The following GPC5 variants were observed in gnomAD, a reference collection of about 807,000 sequenced individuals.
The protein encoded by GPC5 is glypican-5.
In GPC5, 47 loss-of-function variants were observed where a neutral mutation model predicts 53.9. The observed-to-expected ratio is 0.87, with a 90% confidence interval of 0.69 to 1.11. The LOEUF (loss-of-function observed/expected upper bound fraction) is 1.11. Among genes scored for constraint, GPC5 ranks in the 50% most tolerant of loss-of-function variants. The probability of loss-of-function intolerance (pLI) is 0.00; values close to 1 mark genes in which losing one functional copy is unlikely to be tolerated. For synonymous variants in GPC5, 286 were observed against 263.3 expected, an observed-to-expected ratio of 1.09 and a Z score of -0.84; for missense variants, 748 against 713.1, an observed-to-expected ratio of 1.05 and a Z score of -0.56.
chr13:92,778,064 G>T (rs1875883395), intron 7 of GPC5, among the ~76,000 whole-genome samples: 2 of 152,274 alleles, frequency 1.3e-5, no homozygotes, highest in African/African-American at 4.8e-5. Flanking sequence ...ATTTTCATGG[G>T]AATGAGCAAT....
intron 7 of GPC5, among the ~76,000 whole-genome samples, chr13:92,307,789 T>A (rs1594088390): frequency 6.6e-6 from 1 of 152,238 alleles, no homozygotes; most frequent in South Asian, 2.1e-4. Context: ...ACAGAAAATC[T>A]AAAATAATAT....
chr13:91,843,677 G>A (rs1314960611), intron 5 of GPC5, among the ~76,000 whole-genome samples: 2 of 152,152 alleles, frequency 1.3e-5, no homozygotes, highest in East Asian at 1.9e-4. Flanking sequence ...GAAAACAACT[G>A]TAGTGGCTGT....
chr13:91,607,434 T>G (rs1256694930), intron 2 of GPC5, among the ~76,000 whole-genome samples: 1 of 152,178 alleles, frequency 6.6e-6, no homozygotes, highest in Non-Finnish European at 1.5e-5. Context: ...TAATGTGCTT[T>G]TCCTATCAAA....
At chr13:92,667,592 T>C (rs1434145286) in intron 7 of GPC5, among the ~76,000 whole-genome samples, 1 of 152,128 alleles carries the variant, frequency 6.6e-6, no homozygotes, top group Non-Finnish European at 1.5e-5. Flanking sequence ...CATATTGTCA[T>C]CTATGAGAGA....
intron 7 of GPC5, among the ~76,000 whole-genome samples, chr13:92,611,816 G>A (rs1884446653): frequency 6.6e-6 from 1 of 152,070 alleles, no homozygotes; most frequent in African/African-American, 2.4e-5. Context: ...GAAAGACATG[G>A]TTTTGGTGAA....
chr13:92,338,665 C>T (rs938367909), intron 7 of GPC5, among the ~76,000 whole-genome samples: 1 of 151,938 alleles, frequency 6.6e-6, no homozygotes, highest in African/African-American at 2.4e-5. Flanking sequence ...GTGATTCCCA[C>T]AATATGAGAT....
intron 7 of GPC5, among the ~76,000 whole-genome samples, chr13:92,223,771 T>A (rs576016805): frequency 1.3e-5 from 2 of 152,168 alleles, no homozygotes; most frequent in African/African-American, 2.4e-5. Context: ...TTGCAGTTCA[T>A]AAAAGATCAA....
chr13:91,854,176 G>C (rs72647301), intron 5 of GPC5, among the ~76,000 whole-genome samples: 2 of 151,918 alleles, frequency 1.3e-5, no homozygotes, highest in Non-Finnish European at 2.9e-5. Flanking sequence ...AGTATGAATA[G>C]TTCTGTAATC....
chr13:91,724,351 G>A (rs1036024928), intron 3 of GPC5, among the ~76,000 whole-genome samples: 1 of 152,032 alleles, frequency 6.6e-6, no homozygotes, highest in Non-Finnish European at 1.5e-5. Flanking sequence ...CTGAAGCAAA[G>A]CAATCAGTTA....
intron 4 of GPC5, 45 bp downstream of exon 4, chr13:91,728,710 C>T (rs1343528762): frequency 4.0e-5 from 63 of 1,570,604 alleles, no homozygotes; most frequent in Non-Finnish European, 5.1e-5. Context: ...GAAAGTAAGC[C>T]ATTAATTTTA....
chr13:91,476,608 C>G (rs1045409505), intron 2 of GPC5, among the ~76,000 whole-genome samples: 2 of 152,010 alleles, frequency 1.3e-5, no homozygotes, highest in Non-Finnish European at 2.9e-5. Flanking sequence ...GCAGAAAAGG[C>G]AGTAACAATT....
At chr13:92,665,706 C>T (rs1231675685) in intron 7 of GPC5, among the ~76,000 whole-genome samples, 2 of 152,062 alleles carry the variant, frequency 1.3e-5, no homozygotes, top group Admixed American at 6.6e-5. Flanking sequence ...CATTTATGTC[C>T]CTAATTTAAG....
chr13:91,838,236 C>T (rs1248085721), intron 5 of GPC5, among the ~76,000 whole-genome samples: 1 of 151,892 alleles, frequency 6.6e-6, no homozygotes, highest in Non-Finnish European at 1.5e-5. Context: ...TCCCAGTGTC[C>T]CCTGCCATCC....
intron 2 of GPC5, among the ~76,000 whole-genome samples, chr13:91,591,870 G>T (rs2032812751): frequency 6.6e-6 from 1 of 152,086 alleles, no homozygotes; most frequent in African/African-American, 2.4e-5. Context: ...CCTTTGATTG[G>T]GTTTCAACTT....
At chr13:92,692,167 G>A (rs1015546639) in intron 7 of GPC5, among the ~76,000 whole-genome samples, 1 of 151,972 alleles carries the variant, frequency 6.6e-6, no homozygotes, top group Non-Finnish European at 1.5e-5. Flanking sequence ...TTAGGATAAT[G>A]GTCTCCAGCT....
At chr13:91,644,732 C>A (rs1035659542) in intron 2 of GPC5, among the ~76,000 whole-genome samples, 1 of 152,094 alleles carries the variant, frequency 6.6e-6, no homozygotes, top group Admixed American at 6.6e-5. Context: ...TATTAAAAAG[C>A]AACTCTTCTG....
intron 7 of GPC5, among the ~76,000 whole-genome samples, chr13:92,295,811 G>A (rs2043030436): frequency 6.6e-6 from 1 of 152,104 alleles, no homozygotes; most frequent in South Asian, 2.1e-4. Context: ...TGCCTGAAAT[G>A]TCTTTTTCTA....
In GPC5 at chr13:92,060,876, A is replaced by G. The variant is rs560915005; in HGVS notation, c.1402-83954A>G. 1.3e-5 allele frequency among the ~76,000 whole-genome samples: 2 copies of G among 152,188 alleles called. 1 individual carries two copies. The highest frequency in any genetic ancestry group is 4.1e-4 in the South Asian group (2 of 4,830). On this transcript the variant is annotated intron_variant, in intron 6 of 7. Coordinates refer to ENST00000377067, the MANE Select transcript of GPC5 (RefSeq NM_004466.6). ...TGTCACCAACCCTACTTAATTATTC[A>G]GCATATTCTGAAAACCTTTAGGAAA...
chr13:92,691,768 A>C (rs1887408137), intron 7 of GPC5, among the ~76,000 whole-genome samples: 1 of 151,496 alleles, frequency 6.6e-6, no homozygotes, highest in South Asian at 2.1e-4. Context: ...AGATGGTTTT[A>C]GGGTTTTTTT....
Sources: gnomAD v4.1 joint callset for allele counts (sites outside exome capture counted in the v4.1 genomes callset) on GRCh38, gnomAD v4.1.1 for gene constraint, MANE v1.5 for transcripts, NCBI Gene and HGNC (gene_info 2026-07-23, HGNC 2026-07-21) for gene names.